The following MECOM variants were observed in gnomAD, a reference collection of about 807,000 sequenced individuals.
The protein encoded by MECOM is histone-lysine N-methyltransferase MECOM.
MECOM carries 13 observed loss-of-function variants against 116.3 expected under a neutral mutation model. The observed-to-expected ratio is 0.11, with a 90% confidence interval of 0.07 to 0.18. The LOEUF is 0.18. Ranked by LOEUF, MECOM falls within the 10% of genes least tolerant of loss-of-function variation. The pLI is 1.00. For synonymous variants in MECOM, 528 were observed against 535.2 expected (o/e 0.99, Z 0.19); for missense variants, 1,299 against 1,509.0 (o/e 0.86, Z 2.31).
intron 1 of MECOM, among the ~76,000 whole-genome samples, chr3:169,545,982 A>G (rs1369947829): frequency 6.6e-6 from 1 of 152,190 alleles, no homozygotes; most frequent in Non-Finnish European, 1.5e-5. Context: ...TGAAAGTTAT[A>G]TTCAAAAGTA....
chr3:169,289,226 G>A (rs908477766), intron 2 of MECOM, among the ~76,000 whole-genome samples: 4 of 152,162 alleles, frequency 2.6e-5, no homozygotes, highest in African/African-American at 9.7e-5. Flanking sequence ...AGATTAGCAA[G>A]GTAGAGATGA....
intron 11 of MECOM, among the ~76,000 whole-genome samples, chr3:169,101,663 T>G (rs185359176): frequency 1.3e-4 from 20 of 152,312 alleles, no homozygotes; most frequent in African/African-American, 4.8e-4. Context: ...TATTCACTTA[T>G]GGACCTTACT....
chr3:169,239,141 C>T (rs1014912872), intron 2 of MECOM, among the ~76,000 whole-genome samples: 7 of 152,066 alleles, frequency 4.6e-5, no homozygotes, highest in Non-Finnish European at 8.8e-5. Flanking sequence ...TTCTGACGTC[C>T]TCAAGCAAAG....
chr3:169,155,034 G>T (rs538326483), intron 2 of MECOM, among the ~76,000 whole-genome samples: 2 of 152,214 alleles, frequency 1.3e-5, no homozygotes, highest in East Asian at 3.9e-4. Flanking sequence ...AGATTTTTAA[G>T]GACGGAATCA....
intron 1 of MECOM, among the ~76,000 whole-genome samples, chr3:169,465,692 T>C (rs1296153158): frequency 6.6e-6 from 1 of 151,864 alleles, no homozygotes; most frequent in African/African-American, 2.4e-5. Context: ...TCTTTCACAT[T>C]TTAATATGAC....
chr3:169,310,593 T>C (rs973789533), intron 2 of MECOM, among the ~76,000 whole-genome samples: 7 of 152,238 alleles, frequency 4.6e-5, no homozygotes, highest in African/African-American at 1.7e-4. Context: ...GTGTATCTAT[T>C]GCTGTCACTC....
At chr3:169,284,257 T>C (rs1712785193) in intron 2 of MECOM, among the ~76,000 whole-genome samples, 1 of 151,068 alleles carries the variant, frequency 6.6e-6, no homozygotes, top group African/African-American at 2.5e-5. Flanking sequence ...TACTGCCATC[T>C]GGCATGTATA....
intron 3 of MECOM, among the ~76,000 whole-genome samples, chr3:169,139,678 A>G (rs1737500576): frequency 6.6e-6 from 1 of 152,072 alleles, no homozygotes; most frequent in African/African-American, 2.4e-5. Flanking sequence ...TGTCCAGAGA[A>G]CTACTCCATA....
intron 2 of MECOM, among the ~76,000 whole-genome samples, chr3:169,245,537 T>G (rs1256306236): frequency 2.0e-5 from 3 of 152,198 alleles, no homozygotes; most frequent in Admixed American, 6.5e-5. Flanking sequence ...TAATCATTTT[T>G]ATAGAACTAA....
chr3:169,331,404 T>C (rs984814900), intron 2 of MECOM, among the ~76,000 whole-genome samples: 1 of 152,168 alleles, frequency 6.6e-6, no homozygotes, highest in African/African-American at 2.4e-5. Flanking sequence ...TAATGTTATA[T>C]ATAAAGATAC....
At chr3:169,455,139 G>C (rs1746259917) in intron 1 of MECOM, among the ~76,000 whole-genome samples, 1 of 152,166 alleles carries the variant, frequency 6.6e-6, no homozygotes, top group Non-Finnish European at 1.5e-5. Context: ...AATAGGCTAA[G>C]TGTCATTATA....
At chr3:169,577,174 T>G (rs947673897) in intron 1 of MECOM, among the ~76,000 whole-genome samples, 4 of 152,224 alleles carry the variant, frequency 2.6e-5, no homozygotes, top group Middle Eastern at 3.2e-3. Context: ...AGTAACTTAT[T>G]TCACAGAGTT....
At chr3:169,465,687 C>A (rs1332013566) in intron 1 of MECOM, among the ~76,000 whole-genome samples, 1 of 152,132 alleles carries the variant, frequency 6.6e-6, no homozygotes, top group East Asian at 1.9e-4. Context: ...ATTTATCTTT[C>A]ACATTTTAAT....
chr3:169,561,791 A>G (rs1045479940), intron 1 of MECOM, among the ~76,000 whole-genome samples: 7 of 152,196 alleles, frequency 4.6e-5, no homozygotes, highest in Non-Finnish European at 1.0e-4. Context: ...TTGCAGATAC[A>G]TAGGTGTCCA....
intron 1 of MECOM, among the ~76,000 whole-genome samples, chr3:169,610,396 G>C (rs1490474026): frequency 2.6e-5 from 4 of 152,260 alleles, no homozygotes; most frequent in Middle Eastern, 3.4e-3. Flanking sequence ...ATAATATTGT[G>C]TGTTTACCAT....
intron 1 of MECOM, among the ~76,000 whole-genome samples, chr3:169,625,469 A>G (rs898696009): frequency 6.6e-6 from 1 of 152,232 alleles, no homozygotes; most frequent in East Asian, 1.9e-4. Context: ...AAGTCTTAAC[A>G]TAGGGCCCAT....
At chr3:169,633,374 A>G (rs1207464405) in intron 1 of MECOM, among the ~76,000 whole-genome samples, 1 of 152,192 alleles carries the variant, frequency 6.6e-6, no homozygotes, top group African/African-American at 2.4e-5. Flanking sequence ...TTGTGTTCCC[A>G]TTTATCTCAT....
At chr3:169,478,872 T>A (rs942155771) in intron 1 of MECOM, among the ~76,000 whole-genome samples, 1 of 152,172 alleles carries the variant, frequency 6.6e-6, no homozygotes, top group African/African-American at 2.4e-5. Context: ...AGATTAACCA[T>A]ACAGAGCCAG....
intron 12 of MECOM, 119 bp from the exon 13 acceptor site, chr3:169,095,364 C>T: frequency 1.3e-6 from 1 of 755,088 alleles, no homozygotes; most frequent in Non-Finnish European, 2.1e-6. Flanking sequence ...AGAAAAGGCA[C>T]AGGGAGAATA....
Sources: allele counts gnomAD v4.1 joint callset (sites outside exome capture counted in the v4.1 genomes callset), GRCh38; gene constraint gnomAD v4.1.1; transcripts MANE v1.5; gene names NCBI Gene and HGNC (gene_info 2026-07-23, HGNC 2026-07-21).